Variants in GEMIN5 observed in about 807,000 individuals in gnomAD.
GEMIN5 encodes the protein gem nuclear organelle associated protein 5, also known as gem-associated protein 5.
A neutral mutation model predicts 176.9 loss-of-function variants in GEMIN5; 124 were observed. The observed-to-expected ratio is 0.70, with a 90% CI of 0.61 to 0.81. GEMIN5 has a LOEUF of 0.81. Among genes scored for constraint, GEMIN5 ranks in the 40% least tolerant of loss-of-function variants. The pLI is 0.00. For missense variants in GEMIN5, 1,843 were observed against 1,814.6 expected, an observed-to-expected ratio of 1.02 and a Z score of -0.28; for synonymous variants, 673 against 665.2, an observed-to-expected ratio of 1.01 and a Z score of -0.18.
intron 23 of GEMIN5, among the ~76,000 whole-genome samples, chr5:154,897,776 G>C (rs907119829): frequency 1.3e-5 from 2 of 152,032 alleles, no homozygotes; most frequent in Non-Finnish European, 2.9e-5. Context: ...GTTAAGAGGG[G>C]CATTTACAGG....
At chr5:154,936,119 T>C (rs1299555694) in intron 2 of GEMIN5, 97 bp from the exon 3 acceptor site, 3 of 759,740 alleles carry the variant, frequency 3.9e-6, no homozygotes, top group African/African-American at 3.5e-5. Context: ...ATATACACAT[T>C]AAAAGTAATT....
chr5:154,933,041 T>A (rs1170913321), intron 3 of GEMIN5, among the ~76,000 whole-genome samples: 1 of 152,242 alleles, frequency 6.6e-6, no homozygotes, highest in Non-Finnish European at 1.5e-5. Flanking sequence ...GAAATTCTAA[T>A]AGCTTTTTAA....
In GEMIN5 at chr5:154,932,107, T is replaced by G. The variant is rs1561730317; in HGVS notation, c.653A>C (p.Glu218Ala). ...CCTTAAACCATCTCTACCTGAAGTT[T>G]CCTCTTGGTTTATAGATAAACAATC... ...GEDCLSINQE[E>A]TSEEAEITNG... is the part of the protein sequence containing the mutation. Residue 218 changes from glutamate (E) to alanine (A), a missense_variant, in exon 4 of 28, where the codon GAA becomes GCA. Transcript: ENST00000285873. 1 of 1,612,488 alleles carries G rather than the reference T, an allele frequency of 6.2e-7. No homozygotes were observed.
Position 154,936,012 on chromosome 5 carries a change from G to T in GEMIN5, c.338C>A (p.Ser113Ter). Residue 113 changes from serine to a stop codon, truncating the protein, a stop_gained, in exon 3 of 28, where the codon TCA becomes TAA. Transcript: ENST00000285873. LOFTEE classifies it high-confidence loss of function. ...TACTCGAGGAGACCAATGTAATGTT[G>T]ATATCGTATGCTTTAAAACAAAACA... ...TEHALHQHTI[S>*]TLHWSPRVKD... 6.3e-7 allele frequency: 1 copy of T among 1,592,272 alleles called. No homozygotes were observed. Among genetic ancestry groups the T allele is most frequent in the African/African-American group, 1.4e-5 (1 of 73,800 alleles).
chr5:154,914,362 G>A (rs1168964624), intron 13 of GEMIN5, among the ~76,000 whole-genome samples: 1 of 151,934 alleles, frequency 6.6e-6, no homozygotes, highest in Non-Finnish European at 1.5e-5. Flanking sequence ...TATTATAGAT[G>A]AAAGGAGACT....
At chr5:154,889,270 G>T (rs753306593) in intron 27 of GEMIN5, 51 bp downstream of exon 27, 4 of 925,258 alleles carry the variant, frequency 4.3e-6, no homozygotes, top group South Asian at 4.0e-5. Flanking sequence ...GTATAGTCAA[G>T]TGATAACACA....
Position 154,898,488 on chromosome 5 carries a change from G to T in GEMIN5, c.3297C>A (p.Asn1099Lys), listed in dbSNP as rs775435658. The change falls in exon 23 of 28, where the codon AAC becomes AAA. Residue 1099 changes from asparagine to lysine, a missense_variant. By Grantham distance (94) the Asn-to-Lys change is moderately conservative. Transcript: ENST00000285873. ...LRCAQELLLANNWVGAQEALQ... is the reference protein window; with the variant it reads ...LRCAQELLLAKNWVGAQEALQ... The stretch of plus-strand genomic sequence containing the variant: ...GGGCTTCCTGGGCTCCCACCCAGTT[G>T]TTGGCCAGAAGCAGCTCTTGGGCAC... 6.2e-7 allele frequency: 1 copy of T among 1,614,214 alleles called. No homozygotes were observed. Among genetic ancestry groups the T allele is most frequent in the East Asian group, 2.2e-5 (1 of 44,884 alleles).
chr5:154,889,996 TG>T (rs1407040117), intron 26 of GEMIN5, among the ~76,000 whole-genome samples: 5 of 152,272 alleles, frequency 3.3e-5, no homozygotes, highest in African/African-American at 1.2e-4. Context: ...GTGGAAGTGC[TG>T]GATCCTATGG....
At chr5:154,907,552 C>T (rs773823254) in intron 16 of GEMIN5, 39 bp downstream of exon 16, 10 of 1,494,828 alleles carry the variant, frequency 6.7e-6, no homozygotes, top group Non-Finnish European at 9.3e-6. Context: ...CCAGACACGA[C>T]CATGAAATCC....
chr5:154,932,138 C>G lies in GEMIN5; in HGVS notation c.622G>C (p.Gly208Arg), dbSNP rs2113513522. 1.2e-6 allele frequency: 2 copies of G among 1,613,606 alleles called. No individual in the cohort carries two copies. The highest frequency in any genetic ancestry group is 1.1e-5 in the South Asian group (1 of 91,022). The change falls in exon 4 of 28, where the codon GGT (glycine) becomes CGT (arginine). Residue 208 changes from glycine to arginine, a missense_variant. By Grantham distance (125) the Gly-to-Arg change is moderately radical (BLOSUM62 -2). Transcript: ENST00000285873. Reference protein sequence around the residue: ...IHSIAWCPLPGEDCLSINQEE... With the variant: ...IHSIAWCPLPREDCLSINQEE... ...TGGTTTATAGATAAACAATCTTCAC[C>G]AGGCAGGGGACACCAGGCTATGGAG...
At position 154,891,337 on chromosome 5, in the gene GEMIN5, T is replaced by G; in HGVS notation, c.4166A>C (p.Gln1389Pro). ...ETLAEMIRQH[Q>P]KSQLCKSTAN... ...TGTGGATTTACAGAGTTGACTCTTTTGGTGTTGTCGGATCATTTCTGCCAA... is the reference window on the plus strand; with the variant it reads ...TGTGGATTTACAGAGTTGACTCTTTGGGTGTTGTCGGATCATTTCTGCCAA... The change falls in exon 26 of 28, where the codon CAA becomes CCA. Residue 1389 changes from glutamine (Q) to proline (P), a missense_variant. By Grantham distance (76) the Gln-to-Pro change is moderately conservative. Coordinates refer to ENST00000285873, the MANE Select transcript of GEMIN5 (RefSeq NM_015465.5). The G allele has an allele frequency of 6.2e-7, 1 of 1,614,094 alleles. No individual in the cohort carries two copies. Among genetic ancestry groups the G allele is most frequent in the Non-Finnish European group, 8.5e-7 (1 of 1,179,976 alleles).
At chr5:154,899,573 A>C (rs1763424494) in intron 21 of GEMIN5, among the ~76,000 whole-genome samples, 1 of 152,166 alleles carries the variant, frequency 6.6e-6, no homozygotes, top group African/African-American at 2.4e-5. Context: ...ATGAGGTTAA[A>C]ACTATTTTCG....
chr5:154,937,782 G>A (rs1217039134), intron 1 of GEMIN5, among the ~76,000 whole-genome samples, 186 bp downstream of exon 1: 1 of 152,192 alleles, frequency 6.6e-6, no homozygotes, highest in Non-Finnish European at 1.5e-5. Context: ...GGGACCGCTC[G>A]GCCACAGCAT....
At chr5:154,897,997 T>C (rs555541150) in intron 23 of GEMIN5, among the ~76,000 whole-genome samples, 1 of 148,556 alleles carries the variant, frequency 6.7e-6, no homozygotes, top group African/African-American at 2.5e-5. Flanking sequence ...CCTTCCGGGT[T>C]CAAGTGATTC....
chr5:154,919,977 T>C lies in GEMIN5; in HGVS notation c.1589A>G (p.Asn530Ser), dbSNP rs374060277. Residue 530 changes from asparagine (N) to serine (S), a missense_variant, in exon 11 of 28, where the codon AAT (asparagine) becomes AGT (serine). Asn to Ser is a conservative substitution (Grantham distance 46). Coordinates refer to ENST00000285873, the MANE Select transcript of GEMIN5 (RefSeq NM_015465.5). ...FDINKLIRDT[N>S]SIKYKLPVHT... ...ACCACAAGAACTCACTTTGATTGAATTGGTGTCCCTGATGAGTTTGTTGAT... is the reference window on the plus strand; with the variant it reads ...ACCACAAGAACTCACTTTGATTGAACTGGTGTCCCTGATGAGTTTGTTGAT... 82 of 1,613,366 alleles carry C rather than the reference T, an allele frequency of 5.1e-5. 1 individual carries two copies. The highest frequency in any genetic ancestry group is 1.8e-4 in the South Asian group (16 of 90,970).
At chr5:154,888,420 G>A in intron 27 of GEMIN5, 43 bp from the exon 28 acceptor site, 1 of 1,574,070 alleles carries the variant, frequency 6.4e-7, no homozygotes, top group East Asian at 2.2e-5. Flanking sequence ...AGCATTTGCA[G>A]AAGAGCCACA....
Position 154,896,313 on chromosome 5 carries a change from G to A in GEMIN5, c.3376C>T (p.Leu1126=), listed in dbSNP as rs1232905688. 5.0e-6 allele frequency: 8 copies of A among 1,594,020 alleles called. No individual in the cohort carries two copies. Among genetic ancestry groups the A allele is most frequent in the Non-Finnish European group, 6.8e-6 (8 of 1,171,628 alleles). Residue 1126 remains leucine, a synonymous_variant, in exon 24 of 28, where the codon CTA becomes TTA. Coordinates refer to ENST00000285873, the MANE Select transcript of GEMIN5 (RefSeq NM_015465.5). ...GQRLVFCLLE[L]LSRHLEEKQL... is the part of the protein sequence containing the mutation. ...TTTTCCTCCAGATGCCTGGACAGTA[G>A]CTCCAGAAGGCAAAACACCAATCTC...
chr5:154,891,108 C>G (rs999151425), intron 26 of GEMIN5, 133 bp downstream of exon 26: 52 of 315,368 alleles, frequency 1.6e-4, no homozygotes, highest in Non-Finnish European at 2.6e-4. Flanking sequence ...TTTGCCCGGG[C>G]TGGTGGTGAA....
chr5:154,924,378 G>GA, intron 9 of GEMIN5, 91 bp downstream of exon 9: 1 of 734,530 alleles, frequency 1.4e-6, no homozygotes, highest in Non-Finnish European at 2.4e-6. Context: ...GCAACGTTAT[G>GA]AAAAGGAAAG....
Sources: allele counts gnomAD v4.1 joint callset (sites outside exome capture counted in the v4.1 genomes callset), GRCh38; gene constraint gnomAD v4.1.1; transcripts MANE v1.5; gene names NCBI Gene and HGNC (gene_info 2026-07-23, HGNC 2026-07-21).